PCDH9: variants seen among roughly 807,000 people sequenced by gnomAD.
The protein encoded by PCDH9 is protocadherin-9.
In PCDH9, 24 loss-of-function variants were observed where a neutral mutation model predicts 70.6. The ratio of observed to expected loss-of-function variants is 0.34; its 90% CI spans 0.25 to 0.48. PCDH9 has a LOEUF of 0.48. Among genes scored for constraint, PCDH9 ranks in the 20% least tolerant of loss-of-function variants. PCDH9 has a pLI of 0.99. For synonymous variants in PCDH9, 562 were observed against 558.5 expected (o/e 1.01, Z -0.09); for missense variants, 1,281 against 1,503.6 (o/e 0.85, Z 2.45).
intron 2 of PCDH9, among the ~76,000 whole-genome samples, chr13:66,928,692 A>G (rs562999341): frequency 5.9e-5 from 9 of 152,232 alleles, no homozygotes; most frequent in East Asian, 5.8e-4. Context: ...AGAAGTCACC[A>G]TGTCTGATCT....
At chr13:66,505,770 C>A (rs1018949059) in intron 4 of PCDH9, among the ~76,000 whole-genome samples, 1 of 152,112 alleles carries the variant, frequency 6.6e-6, no homozygotes, top group Non-Finnish European at 1.5e-5. Flanking sequence ...TCATACAATA[C>A]GTGGGAATTA....
rs1020594085 is a variant in PCDH9 at position 66,907,737 on chromosome 13, G to A, written c.3037-4132C>T. Among the ~76,000 whole-genome samples, 3 of 152,124 alleles carry A rather than the reference G, an allele frequency of 2.0e-5. No individual in the cohort carries two copies. The South Asian group carries it at 6.2e-4, about 32-fold the overall frequency. ...ACAGCTGTTTTCTTTGCTAAATAGGGGGTTCTTTACATTTTCAACTCAATG... is the reference window on the plus strand; with the variant it reads ...ACAGCTGTTTTCTTTGCTAAATAGGAGGTTCTTTACATTTTCAACTCAATG... On this transcript the variant is annotated intron_variant, in intron 2 of 4. Transcript: ENST00000377865.
At chr13:66,779,845 C>CTATATATATATATATA (rs1395028159) in intron 3 of PCDH9, among the ~76,000 whole-genome samples, 7 of 42,600 alleles carry the variant, frequency 1.6e-4, no homozygotes, top group South Asian at 1.0e-3. Flanking sequence ...CTCTCTCTCT[C>CTATATATATATATATA]TCTCTATATA....
At chr13:66,998,050 T>A (rs1400719074) in intron 2 of PCDH9, among the ~76,000 whole-genome samples, 1 of 152,180 alleles carries the variant, frequency 6.6e-6, no homozygotes, top group Non-Finnish European at 1.5e-5. Flanking sequence ...TTTTTGATAT[T>A]ATACAATGAG....
intron 3 of PCDH9, among the ~76,000 whole-genome samples, chr13:66,687,321 C>G: frequency 6.6e-6 from 1 of 152,130 alleles, no homozygotes; most frequent in East Asian, 1.9e-4. Flanking sequence ...TAAACTTCTG[C>G]TTCATCAATG....
intron 3 of PCDH9, among the ~76,000 whole-genome samples, chr13:66,809,002 C>T (rs996026565): frequency 4.6e-5 from 7 of 152,214 alleles, no homozygotes; most frequent in African/African-American, 1.2e-4. Context: ...CGCTGGAGTG[C>T]GGTGGCGCTA....
At chr13:66,596,310 T>A (rs1349528776) in intron 4 of PCDH9, among the ~76,000 whole-genome samples, 1 of 151,726 alleles carries the variant, frequency 6.6e-6, no homozygotes, top group Non-Finnish European at 1.5e-5. Flanking sequence ...CAAATGATTC[T>A]TTAATGAATA....
intron 3 of PCDH9, among the ~76,000 whole-genome samples, chr13:66,670,406 T>C (rs1255135514): frequency 6.6e-6 from 1 of 152,134 alleles, no homozygotes; most frequent in Non-Finnish European, 1.5e-5. Context: ...AGTCAATATA[T>C]GATGAAAGAA....
At chr13:66,816,085 G>T (rs535286801) in intron 3 of PCDH9, among the ~76,000 whole-genome samples, 1 of 152,176 alleles carries the variant, frequency 6.6e-6, no homozygotes, top group Admixed American at 6.5e-5. Context: ...TTAGGCAAAA[G>T]TTCATTGAGT....
chr13:66,344,169 T>C (rs535687432), intron 4 of PCDH9, among the ~76,000 whole-genome samples: 6 of 152,002 alleles, frequency 3.9e-5, no homozygotes, highest in Non-Finnish European at 8.8e-5. Flanking sequence ...TGAGGTGGAG[T>C]TTTGCTCTTG....
At chr13:66,847,578 TA>T in intron 3 of PCDH9, among the ~76,000 whole-genome samples, 1 of 150,594 alleles carries the variant, frequency 6.6e-6, no homozygotes. Flanking sequence ...CTCAGCATAC[TA>T]TTTTTTTCCT....
intron 3 of PCDH9, among the ~76,000 whole-genome samples, chr13:66,737,847 G>A (rs557102890): frequency 9.5e-4 from 145 of 152,268 alleles, no homozygotes; most frequent in Non-Finnish European, 1.5e-3. Context: ...AGGGTCCTAC[G>A]CCCATGGAAT....
At chr13:66,499,326 A>G (rs1449037847) in intron 4 of PCDH9, among the ~76,000 whole-genome samples, 5 of 152,170 alleles carry the variant, frequency 3.3e-5, no homozygotes, top group African/African-American at 1.2e-4. Flanking sequence ...TATATAACAA[A>G]TAAATTTCTA....
At chr13:67,105,938 T>C (rs948409071) in intron 2 of PCDH9, among the ~76,000 whole-genome samples, 6 of 151,144 alleles carry the variant, frequency 4.0e-5, no homozygotes, top group African/African-American at 1.5e-4. Flanking sequence ...TTTATAACTA[T>C]ATATCTATAT....
intron 2 of PCDH9, among the ~76,000 whole-genome samples, chr13:67,013,264 A>AACACACACACACACACACACAC (rs111347560): frequency 6.7e-4 from 97 of 144,492 alleles, no homozygotes; most frequent in African/African-American, 2.3e-3. Flanking sequence ...TTTTTAATGT[A>AACACACACACACACACACACAC]ACACACACAC....
chr13:66,582,469 C>T (rs2138785206), intron 4 of PCDH9, among the ~76,000 whole-genome samples: 1 of 152,100 alleles, frequency 6.6e-6, no homozygotes, highest in East Asian at 1.9e-4. Flanking sequence ...CCTTTCTCTA[C>T]TAAAAATACA....
intron 2 of PCDH9, among the ~76,000 whole-genome samples, chr13:66,981,452 AG>A (rs376526238): frequency 2.6e-5 from 4 of 151,108 alleles, no homozygotes; most frequent in South Asian, 2.1e-4. Flanking sequence ...AAAAAAAAAA[AG>A]AAAAAAAAAG....
intron 3 of PCDH9, among the ~76,000 whole-genome samples, chr13:66,721,414 A>T (rs1174412448): frequency 6.6e-6 from 1 of 152,180 alleles, no homozygotes; most frequent in Non-Finnish European, 1.5e-5. Flanking sequence ...ATATCTGTTT[A>T]TCTTAGTTTA....
chr13:66,637,442 T>G (rs9540843), intron 3 of PCDH9, among the ~76,000 whole-genome samples: 129,233 of 152,112 alleles, frequency 0.85, 55,671 homozygotes, highest in Admixed American at 0.92. Context: ...TATAAAGCAC[T>G]TTTCTAGTGG....
Sources: gnomAD v4.1 joint callset for allele counts (sites outside exome capture counted in the v4.1 genomes callset) on GRCh38, gnomAD v4.1.1 for gene constraint, MANE v1.5 for transcripts, NCBI Gene and HGNC (gene_info 2026-07-23, HGNC 2026-07-21) for gene names.